The following AGBL1 variants were observed in gnomAD, a reference collection of about 807,000 sequenced individuals.
The protein encoded by AGBL1 is cytosolic carboxypeptidase 4.
In AGBL1, 130 loss-of-function variants were observed where a neutral mutation model predicts 118.9. The ratio of observed to expected loss-of-function variants is 1.09; its 90% confidence interval spans 0.95 to 1.26. AGBL1 has a LOEUF of 1.26. Ranked by LOEUF, AGBL1 falls within the 50% of genes most tolerant of loss-of-function variation. The pLI, the probability that AGBL1 is intolerant of heterozygous loss-of-function variation, is 0.00. For synonymous variants in AGBL1, 555 were observed against 478.9 expected (o/e 1.16, Z -2.08); for missense variants, 1,584 against 1,298.1 (o/e 1.22, Z -3.38).
chr15:86,996,676 A>T (rs1312428131), intron 24 of AGBL1, among the ~76,000 whole-genome samples: 1 of 152,152 alleles, frequency 6.6e-6, no homozygotes, highest in East Asian at 1.9e-4. Flanking sequence ...TATTTCTGTC[A>T]TTTCAGTAGG....
At chr15:86,503,955 A>G (rs1486129470) in intron 18 of AGBL1, among the ~76,000 whole-genome samples, 1 of 151,580 alleles carries the variant, frequency 6.6e-6, no homozygotes, top group Non-Finnish European at 1.5e-5. Flanking sequence ...TCATATTGTT[A>G]TGCAAATCTT....
At chr15:86,424,339 A>G (rs1274810251) in intron 18 of AGBL1, among the ~76,000 whole-genome samples, 2 of 152,236 alleles carry the variant, frequency 1.3e-5, no homozygotes, top group Non-Finnish European at 1.5e-5. Context: ...AGCCATATGT[A>G]GAAAACTGAA....
chr15:86,398,493 A>AT (rs1771421110), intron 18 of AGBL1, among the ~76,000 whole-genome samples: 1 of 152,158 alleles, frequency 6.6e-6, no homozygotes, highest in Non-Finnish European at 1.5e-5. Context: ...TGGAAAATGT[A>AT]TTTTTAATAA....
At chr15:86,167,826 T>C (rs144197219) in intron 5 of AGBL1, among the ~76,000 whole-genome samples, 2 of 152,356 alleles carry the variant, frequency 1.3e-5, no homozygotes, top group East Asian at 1.9e-4. Flanking sequence ...TGAGGACAGA[T>C]TGAAAGCTTT....
chr15:86,307,433 T>C (rs2079857189), intron 17 of AGBL1, among the ~76,000 whole-genome samples: 1 of 152,036 alleles, frequency 6.6e-6, no homozygotes, highest in South Asian at 2.1e-4. Flanking sequence ...ATTTGTTAGT[T>C]TTTTTTTGCT....
At chr15:86,683,374 T>C (rs28463811) in intron 22 of AGBL1, among the ~76,000 whole-genome samples, 2,680 of 152,250 alleles carry the variant, frequency 0.018, 82 homozygotes, top group African/African-American at 0.061. Context: ...CCATGGTGAA[T>C]TGAAAAGAGA....
At position 86,155,837 on chromosome 15, in the gene AGBL1, C is replaced by T. The variant is rs545758482; in HGVS notation, c.394+1276C>T. On this transcript the variant is annotated intron_variant, in intron 4 of 22. Transcript: ENST00000614907. The stretch of plus-strand genomic sequence containing the variant: ...AGTAATAATGATTACCATTACTCTG[C>T]TAGGGCTGCCTTAATGCCTTAACAA... Among the ~76,000 whole-genome samples the T allele has an allele frequency of 3.9e-5, 6 of 152,250 alleles. No individual in the cohort carries two copies. The South Asian group carries it at 8.3e-4, about 21-fold the overall frequency.
At chr15:86,881,418 G>A (rs1391482743) in intron 22 of AGBL1, among the ~76,000 whole-genome samples, 1 of 152,064 alleles carries the variant, frequency 6.6e-6, no homozygotes, top group East Asian at 1.9e-4. Flanking sequence ...AATGATTCAG[G>A]AACCTACTCA....
chr15:86,767,910 A>T (rs560230905), intron 22 of AGBL1, among the ~76,000 whole-genome samples: 1 of 151,986 alleles, frequency 6.6e-6, no homozygotes, highest in Non-Finnish European at 1.5e-5. Context: ...AATTTGCATA[A>T]CTCAACCTTT....
chr15:86,897,958 A>T (rs527528118), intron 22 of AGBL1, among the ~76,000 whole-genome samples: 1 of 151,644 alleles, frequency 6.6e-6, no homozygotes, highest in African/African-American at 2.4e-5. Context: ...TTTTTTGTAC[A>T]TGTGGGGTTT....
At chr15:86,372,739 C>G (rs147081767) in intron 17 of AGBL1, among the ~76,000 whole-genome samples, 4 of 151,902 alleles carry the variant, frequency 2.6e-5, no homozygotes, top group East Asian at 1.9e-4. Context: ...CTCTGTCTCA[C>G]GCCAGCCTGG....
At chr15:86,942,963 A>G (rs1177578726) in intron 23 of AGBL1, among the ~76,000 whole-genome samples, 2 of 152,190 alleles carry the variant, frequency 1.3e-5, no homozygotes, top group East Asian at 1.9e-4. Context: ...TTTTCACTGT[A>G]AAAAATGGAT....
chr15:86,971,256 A>G (rs1346031048), intron 23 of AGBL1, among the ~76,000 whole-genome samples: 1 of 152,050 alleles, frequency 6.6e-6, no homozygotes, highest in Non-Finnish European at 1.5e-5. Context: ...TAGAAATGCT[A>G]GGAATCTTCA....
At chr15:86,949,409 T>A (rs527843582) in intron 23 of AGBL1, among the ~76,000 whole-genome samples, 5 of 152,200 alleles carry the variant, frequency 3.3e-5, no homozygotes, top group African/African-American at 1.2e-4. Flanking sequence ...ATTTTCAAAC[T>A]TTTGGAGCCA....
chr15:87,016,007 A>T (rs1048048185), intron 24 of AGBL1, among the ~76,000 whole-genome samples: 4 of 152,172 alleles, frequency 2.6e-5, no homozygotes, highest in African/African-American at 9.7e-5. Context: ...TGTGGACTTG[A>T]TGTTATCTGA....
chr15:86,971,632 T>A (rs2081109715), intron 23 of AGBL1, among the ~76,000 whole-genome samples: 1 of 152,014 alleles, frequency 6.6e-6, no homozygotes, highest in Admixed American at 6.6e-5. Flanking sequence ...GTAAAATACA[T>A]GATTTCTCCT....
intron 24 of AGBL1, among the ~76,000 whole-genome samples, chr15:87,006,652 T>C (rs1596733439): frequency 6.6e-6 from 1 of 152,158 alleles, no homozygotes; most frequent in African/African-American, 2.4e-5. Context: ...GGTGAGGCAA[T>C]GCCTCACCCT....
At chr15:86,223,708 A>C (rs1172000736) in intron 5 of AGBL1, among the ~76,000 whole-genome samples, 1 of 152,134 alleles carries the variant, frequency 6.6e-6, no homozygotes, top group African/African-American at 2.4e-5. Flanking sequence ...GTGGGTTTGC[A>C]CAGGGGCCTG....
chr15:86,116,951 C>CTTTT (rs35297740), intron 1 of AGBL1, among the ~76,000 whole-genome samples: 1 of 139,706 alleles, frequency 7.2e-6, no homozygotes, highest in African/African-American at 2.6e-5. Flanking sequence ...CTTTTCTTTT[C>CTTTT]TTTTTTTTTT....
Sources: allele counts gnomAD v4.1 joint callset (sites outside exome capture counted in the v4.1 genomes callset), GRCh38; gene constraint gnomAD v4.1.1; transcripts MANE v1.5; gene names NCBI Gene and HGNC (gene_info 2026-07-23, HGNC 2026-07-21).